The following DDB2 variants were observed in gnomAD, a reference collection of about 807,000 sequenced individuals.
The protein encoded by DDB2 is DNA damage-binding protein 2.
Under a neutral mutation model 50.5 loss-of-function variants are expected in DDB2, and 27 were observed. The ratio of observed to expected loss-of-function variants is 0.53; its 90% CI spans 0.39 to 0.74. DDB2 has a LOEUF of 0.74. DDB2 is among the 30% of genes least tolerant of loss of function. The pLI, the probability that DDB2 is intolerant of heterozygous loss-of-function variation, is 0.00. For missense variants in DDB2, 424 were observed against 545.6 expected, an observed-to-expected ratio of 0.78 and a Z score of 2.22; for synonymous variants, 176 against 205.5, an observed-to-expected ratio of 0.86 and a Z score of 1.23.
At chr11:47,224,309 C>A (rs944543587) in intron 3 of DDB2, among the ~76,000 whole-genome samples, 10 of 152,052 alleles carry the variant, frequency 6.6e-5, no homozygotes, top group African/African-American at 2.4e-4. Context: ...CTCACTGCAA[C>A]CTCCACCTCC....
chr11:47,226,099 C>G (rs577936729), intron 3 of DDB2, among the ~76,000 whole-genome samples: 42 of 152,164 alleles, frequency 2.8e-4, no homozygotes, highest in Admixed American at 1.6e-3. Context: ...TTTGAGACCC[C>G]GATTTCAGTT....
Position 47,238,944 on chromosome 11 carries a change from A to T in DDB2, c.*95A>T. ...GAGGTGGCGATTTGTTAAAGGGCCA[A>T]AAGTATCCAAGGTTAGGGTTGGAGC... On this transcript the variant is annotated 3_prime_UTR_variant, in exon 10 of 10. Coordinates refer to ENST00000256996, the MANE Select transcript of DDB2 (RefSeq NM_000107.3). 4.5e-6 allele frequency: 6 copies of T among 1,345,372 alleles called. No homozygotes were observed. Among genetic ancestry groups the T allele is most frequent in the Non-Finnish European group, 2.1e-6 (2 of 953,180 alleles). The allele number at this position is 1,345,372 out of a possible 1,614,324, so 83.3% of individuals were successfully genotyped here.
Position 47,216,248 on chromosome 11 carries a change from C to T in DDB2, c.128-88C>T, listed in dbSNP as rs748705423. 1.9e-4 allele frequency: 296 copies of T among 1,595,658 alleles called. 1 individual carries two copies. The highest frequency in any genetic ancestry group is 2.4e-4 in the Non-Finnish European group (280 of 1,164,066). On this transcript the variant is annotated intron_variant, in intron 1 of 9. Transcript: ENST00000256996. ...GTGATGAGACAGAGATTAACCGTGC[C>T]GAATGAAACAAGGCTTCCTTTCGGG...
intron 3 of DDB2, among the ~76,000 whole-genome samples, chr11:47,218,332 T>C (rs1409845118): frequency 6.6e-6 from 1 of 152,208 alleles, no homozygotes; most frequent in Non-Finnish European, 1.5e-5. Context: ...TTTATATTTG[T>C]TGAATGAGTG....
At chr11:47,216,100 G>T in intron 1 of DDB2, 1 of 654,514 alleles carries the variant, frequency 1.5e-6, no homozygotes, top group Non-Finnish European at 2.8e-6. Context: ...CTGCACGACT[G>T]TATTTACTTT....
chr11:47,231,149 C>G (rs1312208967), intron 3 of DDB2, among the ~76,000 whole-genome samples: 2 of 126,294 alleles, frequency 1.6e-5, no homozygotes, highest in African/African-American at 5.8e-5. Flanking sequence ...AAAAAACACA[C>G]AAAGAAAATC....
At chr11:47,228,768 C>T (rs11039139) in intron 3 of DDB2, among the ~76,000 whole-genome samples, 38,871 of 151,650 alleles carry the variant, frequency 0.26, 6,417 homozygotes, top group Non-Finnish European at 0.38. Flanking sequence ...ACCAGCCTGG[C>T]CAACATGATG....
chr11:47,228,245 C>T (rs1009083705), intron 3 of DDB2, among the ~76,000 whole-genome samples: 7 of 148,900 alleles, frequency 4.7e-5, no homozygotes, highest in Non-Finnish European at 7.4e-5. Flanking sequence ...CCAGCCTGAG[C>T]GACAGAGCAC....
intron 9 of DDB2, 106 bp from the exon 10 acceptor site, chr11:47,238,694 G>A (rs1342899482): frequency 3.9e-5 from 51 of 1,299,110 alleles, no homozygotes; most frequent in East Asian, 4.8e-5. Flanking sequence ...CACCGCGCCC[G>A]GCCTTCCTAG....
At chr11:47,226,063 A>C (rs887990634) in intron 3 of DDB2, among the ~76,000 whole-genome samples, 5 of 152,208 alleles carry the variant, frequency 3.3e-5, no homozygotes, top group African/African-American at 1.2e-4. Flanking sequence ...ATAATGCTGC[A>C]GTGAATGTGG....
intron 3 of DDB2, among the ~76,000 whole-genome samples, chr11:47,218,736 A>G (rs1467383144): frequency 2.0e-5 from 3 of 151,512 alleles, no homozygotes; most frequent in Admixed American, 6.6e-5. Context: ...TCCAGAAGCC[A>G]GAGTGGAAAA....
At chr11:47,218,976 G>A (rs928257488) in intron 3 of DDB2, among the ~76,000 whole-genome samples, 2 of 151,494 alleles carry the variant, frequency 1.3e-5, no homozygotes, top group Non-Finnish European at 2.9e-5. Context: ...GCGGACTCTC[G>A]CTCTGTCACC....
At chr11:47,222,587 C>T (rs1019648930) in intron 3 of DDB2, among the ~76,000 whole-genome samples, 4 of 152,356 alleles carry the variant, frequency 2.6e-5, no homozygotes, top group African/African-American at 9.6e-5. Context: ...CTCAAGCTAT[C>T]CTCCTGCCTT....
intron 3 of DDB2, among the ~76,000 whole-genome samples, chr11:47,219,991 G>A (rs1271025216): frequency 2.0e-5 from 3 of 152,036 alleles, no homozygotes; most frequent in African/African-American, 7.2e-5. Context: ...GGGTTTCACC[G>A]TGTTAGCCAT....
At chr11:47,214,951 G>T (rs137929910), upstream of DDB2, 2 of 787,192 alleles carry the variant, frequency 2.5e-6, no homozygotes, top group Non-Finnish European at 4.0e-6. Context: ...TCTCCGAGAC[G>T]GGTGGGGCCG....
chr11:47,216,594 G>C, intron 2 of DDB2, 122 bp downstream of exon 2: 1 of 1,410,682 alleles, frequency 7.1e-7, no homozygotes, highest in South Asian at 1.2e-5. Context: ...CACCCAGACT[G>C]TGGTGACTGG....
chr11:47,227,050 T>C (rs1303498475), intron 3 of DDB2, among the ~76,000 whole-genome samples: 4 of 151,244 alleles, frequency 2.6e-5, no homozygotes, highest in Non-Finnish European at 5.9e-5. Context: ...TTTAGTTGGG[T>C]TATTTGTTGT....
intron 7 of DDB2, among the ~76,000 whole-genome samples, chr11:47,236,864 C>G (rs900552813): frequency 6.6e-6 from 1 of 152,170 alleles, no homozygotes; most frequent in Non-Finnish European, 1.5e-5. Flanking sequence ...AGCCAGGTGT[C>G]GTAAGTCATT....
Position 47,235,157 on chromosome 11 carries a change from C to T in DDB2, c.881-113C>T, listed in dbSNP as rs2306353. On this transcript the variant is annotated intron_variant, in intron 6 of 9. Coordinates refer to ENST00000256996, the MANE Select transcript of DDB2 (RefSeq NM_000107.3). ...GCCCAGATTCACCTCTTCCTTTCCG[C>T]TCCTGTCTAGAGAGGAGTGGGAGGG... 296,057 of 1,487,752 alleles carry T rather than the reference C, an allele frequency of 0.2. 38,941 individuals are homozygous for T. The highest frequency in any genetic ancestry group is 0.65 in the East Asian group (28,817 of 44,256). The allele number at this position is 1,487,752 out of a possible 1,614,324, so 92.2% of individuals were successfully genotyped here. A position where few individuals can be genotyped will look rare whatever the true frequency, so the allele number is the denominator to read the frequency against.
Sources: gnomAD v4.1 joint callset for allele counts (sites outside exome capture counted in the v4.1 genomes callset) on GRCh38, gnomAD v4.1.1 for gene constraint, MANE v1.5 for transcripts, NCBI Gene and HGNC (gene_info 2026-07-23, HGNC 2026-07-21) for gene names.